The following PTPN3 variants were observed in gnomAD, a reference collection of about 807,000 sequenced individuals.
The protein encoded by PTPN3 is tyrosine-protein phosphatase non-receptor type 3.
PTPN3 carries 96 observed loss-of-function variants against 132.7 expected under a neutral mutation model. The observed-to-expected ratio is 0.72, with a 90% CI of 0.61 to 0.86. The LOEUF (loss-of-function observed/expected upper bound fraction) is 0.86, where lower values mean the gene tolerates loss of function less well. Ranked by LOEUF, PTPN3 falls within the 40% of genes least tolerant of loss-of-function variation. The pLI is 0.00. For synonymous variants in PTPN3, 398 were observed against 429.0 expected, an observed-to-expected ratio of 0.93 and a Z score of 0.89; for missense variants, 1,125 against 1,159.6, an observed-to-expected ratio of 0.97 and a Z score of 0.43.
At chr9:109,424,514 G>A (rs2131858611) in intron 12 of PTPN3, among the ~76,000 whole-genome samples, 1 of 152,336 alleles carries the variant, frequency 6.6e-6, no homozygotes, top group South Asian at 2.1e-4. Flanking sequence ...GCCAGTGCCA[G>A]GTCTCACCCT....
intron 21 of PTPN3, among the ~76,000 whole-genome samples, chr9:109,390,630 T>C (rs1839993050): frequency 6.6e-6 from 1 of 152,066 alleles, no homozygotes; most frequent in Non-Finnish European, 1.5e-5. Context: ...AAAGAAGGAA[T>C]GGAAGTCTAG....
chr9:109,450,118 T>C (rs78612713), intron 5 of PTPN3: 3 of 984,460 alleles, frequency 3.0e-6, no homozygotes, highest in Non-Finnish European at 3.6e-6. Flanking sequence ...ATATGTTTAA[T>C]GGCTAAAAAG....
chr9:109,483,403 C>G (rs1172887046), intron 1 of PTPN3, among the ~76,000 whole-genome samples: 1 of 152,126 alleles, frequency 6.6e-6, no homozygotes, highest in Non-Finnish European at 1.5e-5. Context: ...TCACTAACAC[C>G]AGCTGTGAGG....
At chr9:109,408,796 A>AAATATATATATATATAT (rs1377996219) in intron 16 of PTPN3, among the ~76,000 whole-genome samples, 3 of 108,358 alleles carry the variant, frequency 2.8e-5, no homozygotes, top group African/African-American at 1.1e-4. Context: ...AAAAAAAAAA[A>AAATATATATATATATAT]ATATATATAT....
chr9:109,457,121 C>T (rs772554581), intron 4 of PTPN3, 52 bp downstream of exon 4: 47 of 1,571,108 alleles, frequency 3.0e-5, no homozygotes, highest in South Asian at 1.1e-4. Context: ...GAGAAACAGG[C>T]TGTGATACAC....
At chr9:109,496,531 G>A (rs905360247) in intron 1 of PTPN3, among the ~76,000 whole-genome samples, 1 of 152,178 alleles carries the variant, frequency 6.6e-6, no homozygotes, top group Non-Finnish European at 1.5e-5. Context: ...CTGTAAAATG[G>A]GAGTGACACC....
intron 1 of PTPN3, among the ~76,000 whole-genome samples, chr9:109,464,952 G>A (rs1846023583): frequency 6.6e-6 from 1 of 152,186 alleles, no homozygotes; most frequent in South Asian, 2.1e-4. Flanking sequence ...CATTTTCTGA[G>A]ATGCTTTTAA....
chr9:109,430,830 G>C (rs1282305335), intron 10 of PTPN3, among the ~76,000 whole-genome samples: 1 of 152,188 alleles, frequency 6.6e-6, no homozygotes, highest in Non-Finnish European at 1.5e-5. Flanking sequence ...TCATGCCCAT[G>C]GCCAGCTCCA....
In PTPN3 at chr9:109,422,751, A is replaced by C. The variant is rs766150478; in HGVS notation, c.1103T>G (p.Leu368Arg). The change falls in exon 13 of 26, where the codon CTG becomes CGG. Residue 368 changes from leucine (L) to arginine (R), a missense_variant. By Grantham distance (102) the Leu-to-Arg change is moderately radical. Coordinates refer to ENST00000374541, the MANE Select transcript of PTPN3 (RefSeq NM_002829.4). ...AGTAATGGGAGGGGAACGAGAAGGC[A>C]GACTCTTGGTTTCTAAGTGCTCCAC... ...LSVEHLETKS[L>R]PSRSPPITPN... 19 of 1,612,092 alleles carry C rather than the reference A, an allele frequency of 1.2e-5. No individual in the cohort carries two copies. The highest frequency in any genetic ancestry group is 1.4e-5 in the Non-Finnish European group (17 of 1,178,748).
intron 16 of PTPN3, among the ~76,000 whole-genome samples, chr9:109,408,790 A>T (rs1345597083): frequency 0.027 from 1,614 of 59,124 alleles, 23 homozygotes; most frequent in Admixed American, 0.078. Flanking sequence ...TTAAAAAAAA[A>T]AAAAAAATAT....
rs558659082 is a variant in PTPN3, at chr9:109,382,385, G to A, written c.2445C>T (p.Pro815=). Reference sequence around the variant, plus strand: ...ATTCCAGAAAGTCGGAGGAGTCATCGGGCACACCGTGGTCAGGCCATGCGA... The same window carrying A: ...ATTCCAGAAAGTCGGAGGAGTCATCAGGCACACCGTGGTCAGGCCATGCGA... The part of the protein sequence containing the change: ...QYVAWPDHGV[P]DDSSDFLEFV... Residue 815 remains proline (P), a synonymous_variant, in exon 24 of 26, where the codon CCC becomes CCT. Transcript: ENST00000374541. 2.7e-5 allele frequency: 43 copies of A among 1,614,114 alleles called. No individual in the cohort carries two copies. The East Asian group carries it at 6.5e-4, about 24-fold the overall frequency.
At chr9:109,452,567 G>A (rs1845327455) in intron 5 of PTPN3, among the ~76,000 whole-genome samples, 1 of 150,128 alleles carries the variant, frequency 6.7e-6, no homozygotes, top group Admixed American at 6.6e-5. Flanking sequence ...CTTCAACAGA[G>A]CCTTTTTTTT....
At position 109,404,602 on chromosome 9, in the gene PTPN3, C is replaced by T. The variant is rs759723246; in HGVS notation, c.1799G>A (p.Arg600His). 48 of 1,531,284 alleles carry T rather than the reference C, an allele frequency of 3.1e-5. 2 individuals carry two copies. The highest frequency in any genetic ancestry group is 1.7e-4 in the Middle Eastern group (1 of 5,818). The allele number at this position is 1,531,284 out of a possible 1,614,324, so 94.9% of individuals were successfully genotyped here. A position where few individuals can be genotyped will look rare whatever the true frequency, so the allele number is the denominator to read the frequency against. ...TTCAGACTTGAAGTCAGCAAATGAG[C>T]GGACAGCTGTAACGTACAAGACAGT... ...LALVIRRRAV[R>H]SFADFKSEDE... The change falls in exon 19 of 26, where the codon CGC (arginine) becomes CAC (histidine). Residue 600 changes from arginine (R) to histidine (H), a missense_variant. Coordinates refer to ENST00000374541, the MANE Select transcript of PTPN3 (RefSeq NM_002829.4).
intron 1 of PTPN3, among the ~76,000 whole-genome samples, chr9:109,473,201 T>C (rs1393459591): frequency 6.6e-6 from 1 of 152,230 alleles, no homozygotes; most frequent in Non-Finnish European, 1.5e-5. Context: ...TCAATCCTGA[T>C]ACTCCAAAAG....
intron 19 of PTPN3, among the ~76,000 whole-genome samples, chr9:109,393,599 C>T (rs1424040068): frequency 6.6e-6 from 1 of 151,748 alleles, no homozygotes; most frequent in African/African-American, 2.4e-5. Flanking sequence ...GTTGGCCAGG[C>T]TGGTCTTGAA....
At chr9:109,469,950 T>C (rs1564471183) in intron 1 of PTPN3, among the ~76,000 whole-genome samples, 1 of 152,088 alleles carries the variant, frequency 6.6e-6, no homozygotes, top group Non-Finnish European at 1.5e-5. Flanking sequence ...ATTTCAAAAA[T>C]CCTTTTTGCA....
rs1841586476 is a variant in PTPN3 at position 109,406,605 on chromosome 9, A to C, written c.1649T>G (p.Ile550Ser). Reference sequence around the variant, plus strand: ...TTGATCCCCTTCGTTCAGCTTAGGAATGCAGGTGTCCGCCTGGGTGGTGGG... The same window carrying C: ...TTGATCCCCTTCGTTCAGCTTAGGACTGCAGGTGTCCGCCTGGGTGGTGGG... The part of the protein sequence containing the change: ...INPESPADTC[I>S]PKLNEGDQIV... Residue 550 changes from isoleucine (I) to serine (S), a missense_variant, in exon 18 of 26, where the codon ATT becomes AGT. Physicochemically the swap from Ile to Ser is moderately radical, Grantham distance 142 (BLOSUM62 -2). Transcript: ENST00000374541. 6.2e-7 allele frequency: 1 copy of C among 1,614,108 alleles called. No individual in the cohort carries two copies. Among genetic ancestry groups the C allele is most frequent in the East Asian group, 2.2e-5 (1 of 44,872 alleles).
In PTPN3 at chr9:109,389,345, T is replaced by C. The variant is rs1839867874; in HGVS notation, c.2141A>G (p.Tyr714Cys). 1 of 1,613,940 alleles carries C rather than the reference T, an allele frequency of 6.2e-7. No homozygotes were observed. Among genetic ancestry groups the C allele is most frequent in the Non-Finnish European group, 8.5e-7 (1 of 1,179,918 alleles). Residue 714 changes from tyrosine to cysteine, a missense_variant, in exon 22 of 26, where the codon TAC becomes TGC. By Grantham distance (194) the Tyr-to-Cys change is radical. Coordinates refer to ENST00000374541, the MANE Select transcript of PTPN3 (RefSeq NM_002829.4). ...EIPAANLVNK[Y>C]IATQGPLPHT... ...CGGCAGGGGCCCCTGAGTGGCGATGTACTTGTTCACAAGGTTAGCAGCAGG... is the reference window on the plus strand; with the variant it reads ...CGGCAGGGGCCCCTGAGTGGCGATGCACTTGTTCACAAGGTTAGCAGCAGG...
chr9:109,397,268 A>G (rs1018150074), intron 19 of PTPN3, among the ~76,000 whole-genome samples: 6 of 152,214 alleles, frequency 3.9e-5, no homozygotes, highest in Admixed American at 2.6e-4. Flanking sequence ...GTTCACTACC[A>G]CAAACCCCAG....
Sources: gnomAD v4.1 joint callset for allele counts (sites outside exome capture counted in the v4.1 genomes callset) on GRCh38, gnomAD v4.1.1 for gene constraint, MANE v1.5 for transcripts, NCBI Gene and HGNC (gene_info 2026-07-23, HGNC 2026-07-21) for gene names.